GLCCI1: variants seen among roughly 807,000 people sequenced by gnomAD.
The protein encoded by GLCCI1 is glucocorticoid-induced transcript 1 protein.
A neutral mutation model predicts 52.2 loss-of-function variants in GLCCI1; 24 were observed. That is an observed-to-expected ratio of 0.46 (90% CI 0.33 to 0.65). The LOEUF is 0.65. Among genes scored for constraint, GLCCI1 ranks in the 30% least tolerant of loss-of-function variants. The probability of loss-of-function intolerance (pLI) is 0.02; values close to 1 mark genes in which losing one functional copy is unlikely to be tolerated. For synonymous variants in GLCCI1, 310 were observed against 276.5 expected, an observed-to-expected ratio of 1.12 and a Z score of -1.20; for missense variants, 704 against 701.5, an observed-to-expected ratio of 1.00 and a Z score of -0.04.
chr7:7,982,408 C>A (rs1038495539), intron 1 of GLCCI1, among the ~76,000 whole-genome samples: 1 of 152,054 alleles, frequency 6.6e-6, no homozygotes, highest in African/African-American at 2.4e-5. Context: ...TCAACATTTT[C>A]TTTGTATACT....
chr7:7,983,552 G>C (rs1428267229), intron 1 of GLCCI1, among the ~76,000 whole-genome samples: 4 of 152,118 alleles, frequency 2.6e-5, no homozygotes. Flanking sequence ...GTCATTTTTA[G>C]TATTCCAGCA....
At chr7:7,970,144 ACT>A (rs1780312399) in intron 1 of GLCCI1, among the ~76,000 whole-genome samples, 1 of 151,604 alleles carries the variant, frequency 6.6e-6, no homozygotes. Flanking sequence ...ACGCACACAA[ACT>A]CTTCAGCAGC....
intron 6 of GLCCI1, among the ~76,000 whole-genome samples, chr7:8,076,821 G>C: frequency 6.6e-6 from 1 of 151,540 alleles, no homozygotes; most frequent in East Asian, 2.0e-4. Flanking sequence ...GCATGGTGTA[G>C]TGCTTAATGG....
rs554028150 is a variant in GLCCI1, at chr7:8,027,370, C to G, written c.696+4801C>G. On this transcript the variant is annotated intron_variant, in intron 3 of 7. Coordinates refer to ENST00000223145, the MANE Select transcript of GLCCI1 (RefSeq NM_138426.4). ...GGTTGTCGTGGCACACACCTGTAGT[C>G]CCAGCTACTGGGGAGGCTGAGGCGC... Among the ~76,000 whole-genome samples, 3 of 152,284 alleles carry G rather than the reference C, an allele frequency of 2.0e-5. No individual in the cohort carries two copies. The South Asian group carries it at 6.2e-4, about 32-fold the overall frequency.
Position 7,969,314 on chromosome 7 carries a change from G to C in GLCCI1, c.-37G>C, listed in dbSNP as rs1448520226. 7.6e-7 allele frequency: 1 copy of C among 1,316,142 alleles called. No individual in the cohort carries two copies. Among genetic ancestry groups the C allele is most frequent in the Non-Finnish European group, 9.8e-7 (1 of 1,019,144 alleles). 81.5% of individuals were successfully genotyped at this position (1,316,142 alleles called of 1,614,324 possible). A position where few individuals can be genotyped will look rare whatever the true frequency, so the allele number is the denominator to read the frequency against. On this transcript the variant is annotated 5_prime_UTR_variant, in exon 1 of 8. Coordinates refer to ENST00000223145, the MANE Select transcript of GLCCI1 (RefSeq NM_138426.4). This position sits in a 1 kb window ranked among gnomAD's most constrained non-coding sequence, Gnocchi z 4.9. ...CGCGCGCCTCCCGCCCCGCGCCTCC[G>C]TGTCGGCCGGCGGCGTCCAGGGCCC... is the stretch of plus-strand genomic sequence containing the variant.
chr7:8,022,411 A>G (rs745583209), intron 2 of GLCCI1, 72 bp from the exon 3 acceptor site: 62 of 815,534 alleles, frequency 7.6e-5, no homozygotes, highest in Non-Finnish European at 1.1e-4. Context: ...AATTTTAAAT[A>G]TGTTTCAGTT....
At chr7:8,051,279 G>A (rs571947380) in intron 3 of GLCCI1, among the ~76,000 whole-genome samples, 3 of 152,188 alleles carry the variant, frequency 2.0e-5, no homozygotes, top group Non-Finnish European at 4.4e-5. Flanking sequence ...ATTTGCAGAG[G>A]TCTTCTATTT....
At chr7:8,012,465 G>A (rs796681198) in intron 2 of GLCCI1, among the ~76,000 whole-genome samples, 51 of 55,434 alleles carry the variant, frequency 9.2e-4, no homozygotes, top group African/African-American at 3.2e-3. Context: ...TTTTTTTTGA[G>A]ATGGAGTCTT....
At chr7:7,982,570 G>A (rs780530247) in intron 1 of GLCCI1, among the ~76,000 whole-genome samples, 19 of 152,072 alleles carry the variant, frequency 1.2e-4, no homozygotes, top group Non-Finnish European at 2.6e-4. Flanking sequence ...ATGAATATCT[G>A]TATACTCATC....
At chr7:7,972,726 G>C (rs755707420) in intron 1 of GLCCI1, among the ~76,000 whole-genome samples, 3 of 151,940 alleles carry the variant, frequency 2.0e-5, no homozygotes, top group Non-Finnish European at 4.4e-5. Flanking sequence ...AGGAAAAGCT[G>C]AATTCTATAA....
At chr7:7,985,561 C>G (rs1044045303) in intron 1 of GLCCI1, among the ~76,000 whole-genome samples, 1 of 152,008 alleles carries the variant, frequency 6.6e-6, no homozygotes, top group Non-Finnish European at 1.5e-5. Flanking sequence ...CCAGTGAACA[C>G]CCAACTAGAC....
chr7:8,063,225 C>T (rs1250649384), intron 5 of GLCCI1, among the ~76,000 whole-genome samples: 1 of 152,114 alleles, frequency 6.6e-6, no homozygotes, highest in Admixed American at 6.5e-5. Context: ...GCAACTTCTG[C>T]CTCCCAGGTC....
intron 1 of GLCCI1, among the ~76,000 whole-genome samples, chr7:7,988,903 A>G (rs1037177501): frequency 6.6e-6 from 1 of 152,022 alleles, no homozygotes; most frequent in Non-Finnish European, 1.5e-5. Flanking sequence ...CTGCAGTTAG[A>G]TAAGGCTAAA....
intron 3 of GLCCI1, among the ~76,000 whole-genome samples, chr7:8,046,303 C>G (rs964222064): frequency 6.6e-6 from 1 of 152,214 alleles, no homozygotes; most frequent in African/African-American, 2.4e-5. Flanking sequence ...CCTCAACCAT[C>G]TGAGTGGACT....
rs1196252655 is a variant in GLCCI1, at chr7:8,017,415, T to C, written c.610-5068T>C. Among the ~76,000 whole-genome samples, 6 of 152,216 alleles carry C rather than the reference T, an allele frequency of 3.9e-5. No individual in the cohort carries two copies. The South Asian group carries it at 1.2e-3, about 32-fold the overall frequency. On this transcript the variant is annotated intron_variant, in intron 2 of 7. Transcript: ENST00000223145. ...TGATTTCAATTTTTTAGTCTAACACTGGTTTTCAAACTTTAGAATCCATCA... is the reference window on the plus strand; with the variant it reads ...TGATTTCAATTTTTTAGTCTAACACCGGTTTTCAAACTTTAGAATCCATCA...
At chr7:8,059,038 G>C (rs1562445505) in intron 4 of GLCCI1, among the ~76,000 whole-genome samples, 1 of 152,182 alleles carries the variant, frequency 6.6e-6, no homozygotes, top group Non-Finnish European at 1.5e-5. Flanking sequence ...TCCCCATTGT[G>C]TTCACTTTGA....
At chr7:8,054,412 G>A (rs1201875802) in intron 3 of GLCCI1, among the ~76,000 whole-genome samples, 5 of 152,078 alleles carry the variant, frequency 3.3e-5, no homozygotes, top group Non-Finnish European at 5.9e-5. Context: ...AGGATCTAAA[G>A]ATCTCACCAT....
At chr7:8,003,555 A>G (rs1470976871) in intron 1 of GLCCI1, among the ~76,000 whole-genome samples, 1 of 152,186 alleles carries the variant, frequency 6.6e-6, no homozygotes, top group East Asian at 1.9e-4. Context: ...ACACTGTAAA[A>G]TTTAGTTGAA....
chr7:8,032,167 A>C (rs1419348385), intron 3 of GLCCI1, among the ~76,000 whole-genome samples: 3 of 152,052 alleles, frequency 2.0e-5, no homozygotes. Context: ...TTGACAATTA[A>C]GGAACACTTT....
Sources: gnomAD v4.1 joint callset for allele counts (sites outside exome capture counted in the v4.1 genomes callset) on GRCh38, gnomAD v4.1.1 for gene constraint, Gnocchi (gnomAD v3.1) non-coding constraint, MANE v1.5 for transcripts, NCBI Gene and HGNC (gene_info 2026-07-23, HGNC 2026-07-21) for gene names.